Variants in ST3GAL1 observed in about 807,000 individuals in gnomAD.
The protein encoded by ST3GAL1 is ST3 beta-galactoside alpha-2,3-sialyltransferase 1.
A neutral mutation model predicts 34.1 loss-of-function variants in ST3GAL1; 16 were observed. That is an observed-to-expected ratio of 0.47 (90% CI 0.32 to 0.71). The LOEUF (loss-of-function observed/expected upper bound fraction) is 0.71, where lower values mean the gene tolerates loss of function less well. ST3GAL1 is among the 30% of genes least tolerant of loss of function. The pLI is 0.04. For synonymous variants in ST3GAL1, 191 were observed against 184.7 expected (o/e 1.03, Z -0.28); for missense variants, 353 against 447.4 (o/e 0.79, Z 1.90).
At chr8:133,532,507 A>C (rs902189369) in intron 2 of ST3GAL1, among the ~76,000 whole-genome samples, 8 of 152,126 alleles carry the variant, frequency 5.3e-5, no homozygotes, top group Non-Finnish European at 1.2e-4. Context: ...CTTTATTGTG[A>C]TTTTTCAAAT....
chr8:133,477,029 G>T (rs1816206673), intron 3 of ST3GAL1, among the ~76,000 whole-genome samples: 1 of 152,188 alleles, frequency 6.6e-6, no homozygotes, highest in Admixed American at 6.5e-5. Context: ...GTGGCCCAGG[G>T]TTCCTTTTAC....
chr8:133,553,750 G>A (rs1050031606), intron 1 of ST3GAL1, among the ~76,000 whole-genome samples: 2 of 152,168 alleles, frequency 1.3e-5, no homozygotes, highest in Non-Finnish European at 2.9e-5. Context: ...CTGTGATTAG[G>A]ATCATGCAGT....
intron 3 of ST3GAL1, among the ~76,000 whole-genome samples, chr8:133,478,130 C>A (rs930327552): frequency 1.3e-5 from 2 of 152,210 alleles, no homozygotes; most frequent in Non-Finnish European, 2.9e-5. Context: ...TTGTTTATAA[C>A]CTAGTGGTGT....
intron 5 of ST3GAL1, among the ~76,000 whole-genome samples, chr8:133,472,720 C>A (rs1359333170): frequency 6.6e-6 from 1 of 152,126 alleles, no homozygotes; most frequent in Non-Finnish European, 1.5e-5. Context: ...CCATTCCTTC[C>A]AAGTGGCTGC....
intron 2 of ST3GAL1, among the ~76,000 whole-genome samples, chr8:133,544,377 G>T (rs1033229605): frequency 4.6e-5 from 7 of 152,202 alleles, no homozygotes; most frequent in Non-Finnish European, 1.0e-4. Context: ...AACTGGCTGT[G>T]TTCAGCACAA....
chr8:133,541,096 CAT>C (rs780797700), intron 2 of ST3GAL1, among the ~76,000 whole-genome samples: 472 of 37,094 alleles, frequency 0.013, 40 homozygotes, highest in East Asian at 0.075. Context: ...TATATATAAA[CAT>C]ATATATATAT....
chr8:133,495,829 T>C (rs899601403), intron 3 of ST3GAL1, among the ~76,000 whole-genome samples: 2 of 152,188 alleles, frequency 1.3e-5, no homozygotes, highest in African/African-American at 4.8e-5. Flanking sequence ...ACACAAAAGC[T>C]CATGCTGCTT....
chr8:133,526,051 C>T (rs199938589), intron 2 of ST3GAL1, among the ~76,000 whole-genome samples: 1 of 152,198 alleles, frequency 6.6e-6, no homozygotes, highest in East Asian at 1.9e-4. Flanking sequence ...CCAGCTATGC[C>T]TCCCCTGCTG....
intron 2 of ST3GAL1, among the ~76,000 whole-genome samples, chr8:133,544,460 T>C (rs532181514): frequency 1.6e-4 from 24 of 152,364 alleles, no homozygotes; most frequent in African/African-American, 4.6e-4. Flanking sequence ...CCTATGACCA[T>C]AACCAGGAAT....
intron 7 of ST3GAL1, 26 bp downstream of exon 7, chr8:133,464,752 G>A (rs371528931): frequency 1.4e-5 from 23 of 1,599,988 alleles, no homozygotes; most frequent in South Asian, 1.0e-4. Context: ...GCAGAGCAGC[G>A]AGGCGGGGCC....
At chr8:133,515,898 T>C (rs1168917101) in intron 2 of ST3GAL1, among the ~76,000 whole-genome samples, 1 of 152,168 alleles carries the variant, frequency 6.6e-6, no homozygotes, top group Non-Finnish European at 1.5e-5. Flanking sequence ...TCACCCAGGC[T>C]GGAGTGCAGT....
At chr8:133,526,157 T>G (rs760128956) in intron 2 of ST3GAL1, among the ~76,000 whole-genome samples, 2 of 152,170 alleles carry the variant, frequency 1.3e-5, no homozygotes, top group African/African-American at 2.4e-5. Context: ...ATTAGGAAAG[T>G]TGGGTCAGGC....
At chr8:133,566,317 C>T (rs980643920) in intron 1 of ST3GAL1, among the ~76,000 whole-genome samples, 1 of 152,216 alleles carries the variant, frequency 6.6e-6, no homozygotes, top group African/African-American at 2.4e-5. Flanking sequence ...TAAAATCAGC[C>T]TCCTCCTACT....
chr8:133,566,183 C>T (rs1359992792), intron 1 of ST3GAL1, among the ~76,000 whole-genome samples: 1 of 152,170 alleles, frequency 6.6e-6, no homozygotes, highest in Non-Finnish European at 1.5e-5. Context: ...ATGCTGTGTC[C>T]TGCCCTAGGG....
chr8:133,463,290 G>A, intron 8 of ST3GAL1, 124 bp downstream of exon 8: 1 of 1,067,700 alleles, frequency 9.4e-7, no homozygotes, highest in Non-Finnish European at 1.4e-6. Flanking sequence ...AGCTAAGTGG[G>A]AGATGCTACC....
chr8:133,492,834 C>G (rs1035494551), intron 3 of ST3GAL1, among the ~76,000 whole-genome samples: 2 of 152,234 alleles, frequency 1.3e-5, no homozygotes, highest in East Asian at 1.9e-4. Context: ...GCCCATACCC[C>G]ACCTCGGGGA....
At chr8:133,501,156 T>C (rs1051008548) in intron 2 of ST3GAL1, among the ~76,000 whole-genome samples, 6 of 152,162 alleles carry the variant, frequency 3.9e-5, no homozygotes, top group Non-Finnish European at 8.8e-5. Context: ...TGAGCGAGGA[T>C]AGAAAAATCA....
At position 133,456,928 on chromosome 8, in the gene ST3GAL1, A is replaced by G. The variant is rs2130905173; in HGVS notation, c.*2836T>C. 1 of 152,396 alleles carries G rather than the reference A, an allele frequency of 6.6e-6. No individual in the cohort carries two copies. Among genetic ancestry groups the G allele is most frequent in the Admixed American group, 6.5e-5 (1 of 15,304 alleles). 9.4% of individuals were successfully genotyped at this position (152,396 alleles called of 1,614,324 possible). A position where few individuals can be genotyped will look rare whatever the true frequency, so the allele number is the denominator to read the frequency against. ...TTTTGCTCAAACTCTGACTTGTGCT[A>G]TCTGTCCCAGACAGTTCACGACTGC... On this transcript the variant is annotated 3_prime_UTR_variant, in exon 10 of 10. Coordinates refer to ENST00000522652, the MANE Select transcript of ST3GAL1 (RefSeq NM_173344.3).
intron 5 of ST3GAL1, among the ~76,000 whole-genome samples, chr8:133,474,460 A>G (rs1391216276): frequency 1.3e-5 from 2 of 152,236 alleles, no homozygotes; most frequent in Non-Finnish European, 2.9e-5. Flanking sequence ...TGCATTTAAC[A>G]TGGGAATGAC....
Sources: gnomAD v4.1 joint callset for allele counts (sites outside exome capture counted in the v4.1 genomes callset) on GRCh38, gnomAD v4.1.1 for gene constraint, MANE v1.5 for transcripts, NCBI Gene and HGNC (gene_info 2026-07-23, HGNC 2026-07-21) for gene names.